Variants in SND1 observed in about 807,000 individuals in gnomAD.
SND1 encodes staphylococcal nuclease and tudor domain containing 1, also known as staphylococcal nuclease domain-containing protein 1.
Under a neutral mutation model 121.7 loss-of-function variants are expected in SND1, and 38 were observed. The ratio of observed to expected loss-of-function variants is 0.31; its 90% confidence interval spans 0.24 to 0.41. The LOEUF (loss-of-function observed/expected upper bound fraction) is 0.41. Among genes scored for constraint, SND1 ranks in the 10% least tolerant of loss-of-function variants. The pLI, the probability that SND1 is intolerant of heterozygous loss-of-function variation, is 1.00. For missense variants in SND1, 868 were observed against 1,184.6 expected (o/e 0.73, Z 3.92); for synonymous variants, 401 against 447.4 (o/e 0.90, Z 1.31).
intron 16 of SND1, among the ~76,000 whole-genome samples, chr7:128,051,118 T>C (rs1314880194): frequency 6.6e-6 from 1 of 152,178 alleles, no homozygotes; most frequent in Non-Finnish European, 1.5e-5. Flanking sequence ...TTCCAGAGCT[T>C]CCCACAGCTT....
intron 10 of SND1, among the ~76,000 whole-genome samples, chr7:127,783,322 C>T (rs1432286823): frequency 1.3e-5 from 2 of 152,194 alleles, no homozygotes; most frequent in Non-Finnish European, 2.9e-5. Flanking sequence ...TTAGATACAA[C>T]AATTTTTGCC....
chr7:128,091,970 C>G (rs1236499917), intron 23 of SND1, 23 bp from the exon 24 acceptor site: 3 of 1,614,014 alleles, frequency 1.9e-6, no homozygotes, highest in Admixed American at 1.7e-5. Context: ...CCCTGAAGAG[C>G]TATTGTCTGT....
At chr7:127,889,996 G>A (rs939576420) in intron 13 of SND1, among the ~76,000 whole-genome samples, 31 of 152,192 alleles carry the variant, frequency 2.0e-4, no homozygotes, top group Middle Eastern at 3.4e-3. Context: ...TGGGAGTACA[G>A]ATATCTCTTC....
chr7:127,879,225 T>A (rs1419970), intron 12 of SND1, among the ~76,000 whole-genome samples: 32,209 of 152,132 alleles, frequency 0.21, 3,996 homozygotes, highest in Middle Eastern at 0.32. Flanking sequence ...ATTTCTTTTG[T>A]CAGCTTACAG....
intron 10 of SND1, among the ~76,000 whole-genome samples, chr7:127,784,095 C>T (rs1797771255): frequency 6.6e-6 from 1 of 152,222 alleles, no homozygotes. Flanking sequence ...TATGTATTAA[C>T]TGATTTAAAC....
intron 10 of SND1, among the ~76,000 whole-genome samples, chr7:127,769,955 A>G (rs2116495443): frequency 6.6e-6 from 1 of 152,270 alleles, no homozygotes; most frequent in East Asian, 1.9e-4. Context: ...AGAATTCCAT[A>G]GTAGCACATT....
intron 10 of SND1, among the ~76,000 whole-genome samples, chr7:127,749,795 C>T (rs1797052660): frequency 6.6e-6 from 1 of 152,168 alleles, no homozygotes; most frequent in Non-Finnish European, 1.5e-5. Context: ...GGTGTAGCCT[C>T]CAGTTGGGAA....
chr7:127,991,739 T>C (rs1374573741), intron 16 of SND1, among the ~76,000 whole-genome samples: 1 of 152,180 alleles, frequency 6.6e-6, no homozygotes, highest in Non-Finnish European at 1.5e-5. Context: ...ATAGGGTCCC[T>C]CCAGCTTTCA....
chr7:127,990,145 A>G (rs1802488327), intron 15 of SND1, among the ~76,000 whole-genome samples: 1 of 152,228 alleles, frequency 6.6e-6, no homozygotes. Flanking sequence ...AAACGTCTCC[A>G]TGTGGCAGGC....
At chr7:127,713,592 G>A (rs185689878) in intron 9 of SND1, among the ~76,000 whole-genome samples, 2 of 152,218 alleles carry the variant, frequency 1.3e-5, no homozygotes. Flanking sequence ...ATTGTACAGG[G>A]CCCCGCTAAA....
intron 15 of SND1, among the ~76,000 whole-genome samples, chr7:127,980,028 CCTGTGCT>C (rs1277496449): frequency 6.6e-6 from 1 of 152,158 alleles, no homozygotes; most frequent in African/African-American, 2.4e-5. Context: ...TGTAGCTTGG[CCTGTGCT>C]CTTGGAGAAC....
chr7:127,787,083 G>C (rs1797826712), intron 10 of SND1, among the ~76,000 whole-genome samples: 3 of 152,162 alleles, frequency 2.0e-5, no homozygotes, highest in Admixed American at 2.0e-4. Context: ...GGCCCAGATT[G>C]CATATTTGCT....
At chr7:128,066,471 G>T (rs961536520) in intron 16 of SND1, among the ~76,000 whole-genome samples, 1 of 152,206 alleles carries the variant, frequency 6.6e-6, no homozygotes, top group Non-Finnish European at 1.5e-5. Flanking sequence ...CGTCAGTGGG[G>T]ATCAGAACCA....
rs546966796 is a variant in SND1, at chr7:127,996,681, G to A, written c.1779+5625G>A. Among the ~76,000 whole-genome samples the A allele has an allele frequency of 2.4e-4, 36 of 152,232 alleles. No homozygotes were observed. In the South Asian group the frequency reaches 7.3e-3, roughly 31 times the overall value. Reference sequence around the variant, plus strand: ...GCCATGTCGCTTGGGAACCCTCTCCGAGCCACAAATAATTACCTGCTGGAA... The same window carrying A: ...GCCATGTCGCTTGGGAACCCTCTCCAAGCCACAAATAATTACCTGCTGGAA... On this transcript the variant is annotated intron_variant, in intron 16 of 23. Transcript: ENST00000354725.
chr7:127,878,967 C>G (rs891637455), intron 12 of SND1, among the ~76,000 whole-genome samples: 3 of 148,526 alleles, frequency 2.0e-5, no homozygotes, highest in African/African-American at 2.4e-5. Context: ...ACAAAAATAT[C>G]GATGATCCAG....
At chr7:127,756,376 A>G (rs1329967877) in intron 10 of SND1, among the ~76,000 whole-genome samples, 1 of 152,236 alleles carries the variant, frequency 6.6e-6, no homozygotes, top group Non-Finnish European at 1.5e-5. Context: ...ATCATCTAAG[A>G]TAAACTGGGG....
At chr7:127,797,503 T>C (rs1423327119) in intron 10 of SND1, among the ~76,000 whole-genome samples, 2 of 152,230 alleles carry the variant, frequency 1.3e-5, no homozygotes, top group Non-Finnish European at 2.9e-5. Flanking sequence ...AAAAGTAGCA[T>C]AGACTTCATT....
At chr7:127,828,136 A>G (rs989888582) in intron 11 of SND1, among the ~76,000 whole-genome samples, 1 of 152,078 alleles carries the variant, frequency 6.6e-6, no homozygotes, top group Non-Finnish European at 1.5e-5. Context: ...AGCTGGGATT[A>G]CAGGCGCCCA....
chr7:128,006,969 C>A (rs1001387899), intron 16 of SND1, among the ~76,000 whole-genome samples: 20 of 152,196 alleles, frequency 1.3e-4, no homozygotes, highest in African/African-American at 4.8e-4. Context: ...GTCTTGTTTC[C>A]TGAGCGCCGA....
Sources: gnomAD v4.1 joint callset for allele counts (sites outside exome capture counted in the v4.1 genomes callset) on GRCh38, gnomAD v4.1.1 for gene constraint, MANE v1.5 for transcripts, NCBI Gene and HGNC (gene_info 2026-07-23, HGNC 2026-07-21) for gene names.